The following MYLK variants were observed in gnomAD, a reference collection of about 807,000 sequenced individuals.
MYLK encodes the protein myosin light chain kinase.
In MYLK, 106 loss-of-function variants were observed where a neutral mutation model predicts 203.4. That is an observed-to-expected ratio of 0.52 (90% CI 0.45 to 0.61). MYLK has a LOEUF of 0.61. Among genes scored for constraint, MYLK ranks in the 20% least tolerant of loss-of-function variants. The probability of loss-of-function intolerance (pLI) is 0.00; values close to 1 mark genes in which losing one functional copy is unlikely to be tolerated. For missense variants in MYLK, 2,072 were observed against 2,442.3 expected, an observed-to-expected ratio of 0.85 and a Z score of 3.20; for synonymous variants, 867 against 959.5, an observed-to-expected ratio of 0.90 and a Z score of 1.78.
intron 4 of MYLK, among the ~76,000 whole-genome samples, chr3:123,772,017 CAAAAGTT>C (rs1055712742): frequency 1.4e-4 from 22 of 152,132 alleles, no homozygotes; most frequent in Admixed American, 1.1e-3. Context: ...ATAACCTACT[CAAAAGTT>C]AAAACTGTTT....
chr3:123,780,608 G>A (rs1243419044), intron 4 of MYLK, among the ~76,000 whole-genome samples: 3 of 152,170 alleles, frequency 2.0e-5, no homozygotes, highest in African/African-American at 7.2e-5. Context: ...TACCAGAACT[G>A]CCCTCCTTCC....
In MYLK at chr3:123,732,968, T is replaced by C. The variant is rs1370125857; in HGVS notation, c.1444A>G (p.Ser482Gly). ...LCLLKARTRD[S>G]GTYSCTASNA... ...GAAGCAGTGCAGCTGTATGTCCCAC[T>C]GTCCCTGGTCCGGGCTTTCAGCAGG... The change falls in exon 11 of 34, where the codon AGT becomes GGT. Residue 482 changes from serine (S) to glycine (G), a missense_variant. Physicochemically the swap from Ser to Gly is moderately conservative, Grantham distance 56. This residue lies in a region of MYLK where 683 missense variants were observed against 643.8 expected (regional missense o/e 1.06). Transcript: ENST00000360304. The C allele has an allele frequency of 6.2e-7, 1 of 1,614,214 alleles. No homozygotes were observed. The highest frequency in any genetic ancestry group is 1.1e-5 in the South Asian group (1 of 91,082).
intron 4 of MYLK, among the ~76,000 whole-genome samples, chr3:123,763,796 G>A (rs963373022): frequency 6.6e-6 from 1 of 152,138 alleles, no homozygotes; most frequent in African/African-American, 2.4e-5. Context: ...GTGGGTCTTT[G>A]TTCACTGTCC....
intron 19 of MYLK, 186 bp downstream of exon 19, chr3:123,692,549 C>A: frequency 2.5e-6 from 2 of 785,514 alleles, no homozygotes; most frequent in Non-Finnish European, 4.2e-6. Context: ...AGTAGAGCTG[C>A]CACTTTCCTT....
chr3:123,821,683 C>T (rs890017583), intron 3 of MYLK, among the ~76,000 whole-genome samples: 102 of 152,316 alleles, frequency 6.7e-4, no homozygotes, highest in African/African-American at 2.3e-3. Flanking sequence ...ACAAGTGCCC[C>T]AACCAGAAAT....
rs1008401981 is a variant in MYLK at position 123,788,440 on chromosome 3, C to A, written c.165+5237G>T. Among the ~76,000 whole-genome samples, 7 of 149,400 alleles carry A rather than the reference C, an allele frequency of 4.7e-5. No individual in the cohort carries two copies. The East Asian group carries it at 5.9e-4, about 13-fold the overall frequency. On this transcript the variant is annotated intron_variant, in intron 4 of 33. Transcript: ENST00000360304. ...TTCTAGGGTACATGTGCACAATGTG[C>A]AGGTTAGTTACATATGTATACATGT...
At chr3:123,751,247 G>T (rs1217444923) in intron 5 of MYLK, among the ~76,000 whole-genome samples, 1 of 152,216 alleles carries the variant, frequency 6.6e-6, no homozygotes, top group Non-Finnish European at 1.5e-5. Context: ...TTAAGTGTCA[G>T]CCAGGGACCT....
intron 2 of MYLK, among the ~76,000 whole-genome samples, chr3:123,869,082 G>A (rs1235882717): frequency 6.6e-6 from 1 of 152,112 alleles, no homozygotes; most frequent in African/African-American, 2.4e-5. Context: ...AAGGCAATGA[G>A]GCCTCAGTCT....
At chr3:123,827,694 CATATATATATATATATATAT>C (rs3052386) in intron 3 of MYLK, among the ~76,000 whole-genome samples, 730 of 24,294 alleles carry the variant, frequency 0.03, 34 homozygotes, top group East Asian at 0.093. Context: ...TGAAAAACAC[CATATATATATATATATATAT>C]ATATATATAT....
At chr3:123,703,854 T>G (rs2061346736) in intron 16 of MYLK, among the ~76,000 whole-genome samples, 1 of 152,226 alleles carries the variant, frequency 6.6e-6, no homozygotes, top group Admixed American at 6.5e-5. Context: ...CAGAGTTTCC[T>G]CCTGTCACCA....
At chr3:123,745,354 G>A (rs538215492) in intron 5 of MYLK, among the ~76,000 whole-genome samples, 1 of 152,180 alleles carries the variant, frequency 6.6e-6, no homozygotes, top group Non-Finnish European at 1.5e-5. Flanking sequence ...TCTCTGTTTA[G>A]GGCCAGTGGC....
intron 4 of MYLK, among the ~76,000 whole-genome samples, chr3:123,762,055 C>T (rs2063552852): frequency 6.6e-6 from 1 of 151,950 alleles, no homozygotes; most frequent in Non-Finnish European, 1.5e-5. Flanking sequence ...TTATCCTCAC[C>T]AAAACACCCG....
Position 123,657,308 on chromosome 3 carries a change from T to C in MYLK, c.4106A>G (p.Glu1369Gly). 6.2e-7 allele frequency: 1 copy of C among 1,614,118 alleles called. No homozygotes were observed. Among genetic ancestry groups the C allele is most frequent in the Non-Finnish European group, 8.5e-7 (1 of 1,180,032 alleles). Residue 1369 changes from glutamate (E) to glycine (G), a missense_variant, in exon 24 of 34, where the codon GAG becomes GGG. Physicochemically the swap from Glu to Gly is moderately conservative, Grantham distance 98. Around this residue, in one of 3 missense-constraint regions of MYLK, gnomAD observed 524 missense variants for 782.4 expected, o/e 0.67. Coordinates refer to ENST00000360304, the MANE Select transcript of MYLK (RefSeq NM_053025.4). ...CGTCTTGTTGGCTGAGTCCCAGATCTCGATGCTGTAGGACTGTACAGCACT... is the reference window on the plus strand; with the variant it reads ...CGTCTTGTTGGCTGAGTCCCAGATCCCGATGCTGTAGGACTGTACAGCACT... ...GGSAVQSYSI[E>G]IWDSANKTWK...
At chr3:123,814,284 G>A (rs2065665337) in intron 3 of MYLK, 1 of 176,068 alleles carries the variant, frequency 5.7e-6, no homozygotes, top group Non-Finnish European at 1.2e-5. Context: ...CAGGCTTCAT[G>A]TCCCCTCTGT....
At chr3:123,727,817 G>A (rs534478653) in intron 11 of MYLK, among the ~76,000 whole-genome samples, 1 of 152,304 alleles carries the variant, frequency 6.6e-6, no homozygotes, top group African/African-American at 2.4e-5. Context: ...GAAGTGGTGA[G>A]AGAGTAAATC....
chr3:123,700,617 C>T lies in MYLK; in HGVS notation c.2851G>A (p.Val951Ile). 1.2e-6 allele frequency: 2 copies of T among 1,613,962 alleles called. No individual in the cohort carries two copies. Among genetic ancestry groups the T allele is most frequent in the Non-Finnish European group, 1.7e-6 (2 of 1,180,034 alleles). ...TTGGCCAGGACAGAGCGAAAATCGA[C>T]CTGCTGGGGGCTGTGCACCTTCCTC... is the stretch of plus-strand genomic sequence containing the variant. The part of the protein sequence containing the change: ...EERKVHSPQQ[V>I]DFRSVLAKKG... Residue 951 changes from valine to isoleucine, a missense_variant, in exon 18 of 34, where the codon GTC becomes ATC. Around this residue, in one of 3 missense-constraint regions of MYLK, gnomAD observed 865 missense variants for 1,016.0 expected, o/e 0.85. Transcript: ENST00000360304.
intron 2 of MYLK, among the ~76,000 whole-genome samples, chr3:123,842,396 C>A (rs1692936687): frequency 6.6e-6 from 1 of 152,110 alleles, no homozygotes; most frequent in African/African-American, 2.4e-5. Flanking sequence ...AGCTCAGAAT[C>A]AGGCCAATTC....
chr3:123,733,100 A>C lies in MYLK; in HGVS notation c.1312T>G (p.Ser438Ala). The change falls in exon 11 of 34, where the codon TCC becomes GCC. Residue 438 changes from serine (S) to alanine (A), a missense_variant and splice_region_variant. Ser to Ala is a moderately conservative substitution (Grantham distance 99, BLOSUM62 1). This residue lies in a region of MYLK where 683 missense variants were observed against 643.8 expected (regional missense o/e 1.06). Coordinates refer to ENST00000360304, the MANE Select transcript of MYLK (RefSeq NM_053025.4). ...NQTVKFRCEV[S>A]GIPKPEVAWF... ...GCCACTTCAGGCTTTGGAATCCCGGAAACTACAGGGCCAGGTAAAGAACGT... is the reference window on the plus strand; with the variant it reads ...GCCACTTCAGGCTTTGGAATCCCGGCAACTACAGGGCCAGGTAAAGAACGT... The C allele has an allele frequency of 6.2e-7, 1 of 1,613,634 alleles. No individual in the cohort carries two copies. The highest frequency in any genetic ancestry group is 1.1e-5 in the South Asian group (1 of 90,906).
intron 20 of MYLK, among the ~76,000 whole-genome samples, chr3:123,670,765 A>C (rs2059890207): frequency 6.6e-6 from 1 of 152,196 alleles, no homozygotes; most frequent in South Asian, 2.1e-4. Flanking sequence ...AGAAAATTAA[A>C]AATTTGATTC....
Sources: allele counts gnomAD v4.1 joint callset (sites outside exome capture counted in the v4.1 genomes callset), GRCh38; gene constraint gnomAD v4.1.1; regional missense constraint gnomAD v4.1.1; transcripts MANE v1.5; gene names NCBI Gene and HGNC (gene_info 2026-07-23, HGNC 2026-07-21).